The following PEX5 variants were observed in gnomAD, a reference collection of about 807,000 sequenced individuals.
PEX5 encodes PTS1 receptor.
Under a neutral mutation model 82.9 loss-of-function variants are expected in PEX5, and 52 were observed. That is an observed-to-expected ratio of 0.63 (90% CI 0.50 to 0.79). The LOEUF is 0.79. PEX5 is among the 30% of genes least tolerant of loss of function. The pLI, the probability that PEX5 is intolerant of heterozygous loss-of-function variation, is 0.00. For synonymous variants in PEX5, 300 were observed against 318.8 expected (o/e 0.94, Z 0.63); for missense variants, 719 against 815.2 (o/e 0.88, Z 1.44).
rs1385408187 is a variant in PEX5 at position 7,201,733 on chromosome 12, A to ACCC, written c.552-18_552-17insCCC. 12 of 1,577,576 alleles carry ACCC rather than the reference A, an allele frequency of 7.6e-6. No individual in the cohort carries two copies. Among genetic ancestry groups the ACCC allele is most frequent in the Non-Finnish European group, 1.0e-5 (12 of 1,146,924 alleles). ...TGATGGCAGACTAATGTGTAAAATT[A>ACCC]GTTCTTACCCGTTCCAGGTATGATG... is the stretch of plus-strand genomic sequence containing the variant. On this transcript the variant is annotated splice_polypyrimidine_tract_variant and intron_variant, in intron 6 of 15. Coordinates refer to ENST00000675855, the MANE Select transcript of PEX5 (RefSeq NM_001351132.2).
At position 7,190,068 on chromosome 12, in the gene PEX5, G is replaced by C. The variant is rs886671055; in HGVS notation, c.-16-294G>C. ...TTGAAGCGTCCCCGTGGTCCCCCGGGGTCCAGGCCCCTTTGTGGAGGCAGC... is the reference window on the plus strand; with the variant it reads ...TTGAAGCGTCCCCGTGGTCCCCCGGCGTCCAGGCCCCTTTGTGGAGGCAGC... On this transcript the variant is annotated intron_variant, in intron 1 of 15. Coordinates refer to ENST00000675855, the MANE Select transcript of PEX5 (RefSeq NM_001351132.2). 15 of 1,496,810 alleles carry C rather than the reference G, an allele frequency of 1.0e-5. No individual in the cohort carries two copies. The African/African-American group carries it at 1.8e-4, about 18-fold the overall frequency. 92.7% of individuals were successfully genotyped at this position (1,496,810 alleles called of 1,614,324 possible).
intron 17 of PEX5, among the ~76,000 whole-genome samples, chr12:7,217,261 G>A (rs1426554138): frequency 2.0e-5 from 3 of 152,168 alleles, no homozygotes; most frequent in African/African-American, 7.2e-5. Flanking sequence ...ACCTTTTCTT[G>A]GGAAGTATAT....
intron 5 of PEX5, among the ~76,000 whole-genome samples, chr12:7,195,161 C>T (rs1039817817): frequency 6.6e-6 from 1 of 152,174 alleles, no homozygotes; most frequent in African/African-American, 2.4e-5. Flanking sequence ...GAGTTTTTGA[C>T]TTTTGAGCTT....
At chr12:7,212,237 T>G (rs1465846215), downstream of PEX5, among the ~76,000 whole-genome samples, 1 of 151,884 alleles carries the variant, frequency 6.6e-6, no homozygotes, top group Non-Finnish European at 1.5e-5. Context: ...AGTGCTGGGA[T>G]TACAGACGTG....
downstream of PEX5, among the ~76,000 whole-genome samples, chr12:7,214,727 TAAAA>T (rs898598574): frequency 7.4e-5 from 10 of 135,550 alleles, no homozygotes; most frequent in South Asian, 2.5e-4. Flanking sequence ...AATAATAAAA[TAAAA>T]AAAGAATTAT....
At chr12:7,212,647 G>GAT (rs1386615934), downstream of PEX5, 1 of 152,168 alleles carries the variant, frequency 6.6e-6, no homozygotes, top group Non-Finnish European at 1.5e-5. Context: ...ATTATTTACA[G>GAT]ATTGTCTTAA....
chr12:7,192,147 A>G (rs1338483877), intron 5 of PEX5, among the ~76,000 whole-genome samples: 2 of 152,372 alleles, frequency 1.3e-5, no homozygotes, highest in East Asian at 1.9e-4. Flanking sequence ...CATGATGATG[A>G]TAATAAAAAT....
chr12:7,200,841 T>C (rs993856032), intron 6 of PEX5, among the ~76,000 whole-genome samples: 13 of 151,464 alleles, frequency 8.6e-5, no homozygotes, highest in Non-Finnish European at 1.3e-4. Flanking sequence ...ATGGCAGCAG[T>C]ACAGTCCAGC....
chr12:7,200,875 C>T (rs964466665), intron 6 of PEX5, among the ~76,000 whole-genome samples: 8 of 149,974 alleles, frequency 5.3e-5, no homozygotes, highest in Non-Finnish European at 7.4e-5. Flanking sequence ...CAGAGGGAGA[C>T]CGTGGAAAGA....
downstream of PEX5, among the ~76,000 whole-genome samples, chr12:7,212,464 GAAAAAAAA>G (rs5796271): frequency 2.5e-3 from 240 of 96,272 alleles, 3 homozygotes; most frequent in East Asian, 0.015. Flanking sequence ...AAAGCTGCCA[GAAAAAAAA>G]AAAAAAAAAA....
chr12:7,209,859 A>G lies in PEX5; in HGVS notation c.1718+19A>G. The G allele has an allele frequency of 6.2e-7, 1 of 1,613,986 alleles. No homozygotes were observed. The highest frequency in any genetic ancestry group is 8.5e-7 in the Non-Finnish European group (1 of 1,179,860). On this transcript the variant is annotated intron_variant, in intron 15 of 15. Transcript: ENST00000675855. The stretch of plus-strand genomic sequence containing the variant: ...CTCACCGGTGAGAGTATCTATTGAG[A>G]AATGAATGAATGAGCTTTTTCTCCC...
At chr12:7,195,041 T>G (rs1004024461) in intron 5 of PEX5, among the ~76,000 whole-genome samples, 1 of 152,192 alleles carries the variant, frequency 6.6e-6, no homozygotes, top group Non-Finnish European at 1.5e-5. Flanking sequence ...GAATAAGTGA[T>G]GGAGTTAGGA....
chr12:7,210,290 C>T lies in PEX5; in HGVS notation c.*67C>T. On this transcript the variant is annotated 3_prime_UTR_variant, in exon 16 of 16. Transcript: ENST00000675855. ...CCCCGCTTTGGATGTGATTCCCTCT[C>T]CCCAAATGGGCCTACCAAGGGGGCG... is the stretch of plus-strand genomic sequence containing the variant. The T allele has an allele frequency of 1.3e-6, 2 of 1,491,150 alleles. No homozygotes were observed. Among genetic ancestry groups the T allele is most frequent in the Non-Finnish European group, 1.9e-6 (2 of 1,072,826 alleles). 92.4% of individuals were successfully genotyped at this position (1,491,150 alleles called of 1,614,324 possible). A position where few individuals can be genotyped will look rare whatever the true frequency, so the allele number is the denominator to read the frequency against.
Position 7,209,183 on chromosome 12 carries a change from GA to G in PEX5, c.1560+14del. 6.2e-7 allele frequency: 1 copy of G among 1,613,246 alleles called. No homozygotes were observed. The highest frequency in any genetic ancestry group is 2.2e-5 in the East Asian group (1 of 44,868). On this transcript the variant is annotated intron_variant, in intron 14 of 15. Transcript: ENST00000675855. Reference sequence around the variant, plus strand: ...CGTTCGTCCCAATGTGAGCCCAGGGGAGGAATGGAAATGGGACATGACTGTG... The same window carrying G: ...CGTTCGTCCCAATGTGAGCCCAGGGGGGAATGGAAATGGGACATGACTGTG...
intron 13 of PEX5, among the ~76,000 whole-genome samples, 163 bp from the exon 14 acceptor site, chr12:7,208,842 G>A (rs901651725): frequency 1.3e-5 from 2 of 152,188 alleles, no homozygotes; most frequent in Non-Finnish European, 2.9e-5. Context: ...GTGCTAGGAT[G>A]AAATAGAAAA....
downstream of PEX5, among the ~76,000 whole-genome samples, chr12:7,211,693 CCTGTTACTA>C (rs1945584779): frequency 1.3e-5 from 2 of 152,160 alleles, no homozygotes; most frequent in Admixed American, 6.5e-5. Context: ...AATTTTTACT[CCTGTTACTA>C]CTACAAAGGA....
At chr12:7,208,854 C>A in intron 13 of PEX5, 151 bp from the exon 14 acceptor site, 1 of 888,946 alleles carries the variant, frequency 1.1e-6, no homozygotes. Context: ...AATAGAAAAA[C>A]AGGCTTCTAT....
chr12:7,197,559 A>AATAATTATATGTTATATATAACG (rs1565690134), intron 5 of PEX5, among the ~76,000 whole-genome samples: 1 of 107,536 alleles, frequency 9.3e-6, no homozygotes, highest in African/African-American at 3.3e-5. Context: ...TATATATAAT[A>AATAATTATATGTTATATATAACG]TAATAAGTAG....
At chr12:7,192,876 T>C (rs1367866165) in intron 5 of PEX5, among the ~76,000 whole-genome samples, 6 of 152,230 alleles carry the variant, frequency 3.9e-5, no homozygotes, top group Non-Finnish European at 1.5e-5. Flanking sequence ...CAGGGACAAA[T>C]GTGTGTGAAG....
Sources: allele counts gnomAD v4.1 joint callset (sites outside exome capture counted in the v4.1 genomes callset), GRCh38; gene constraint gnomAD v4.1.1; transcripts MANE v1.5; gene names NCBI Gene and HGNC (gene_info 2026-07-23, HGNC 2026-07-21).